Variants in FSD1L observed in about 807,000 individuals in gnomAD.
The protein encoded by FSD1L is fibronectin type III and SPRY domain containing 1 like, also known as FSD1-like protein.
A neutral mutation model predicts 71.6 loss-of-function variants in FSD1L; 45 were observed. The observed-to-expected ratio is 0.63, with a 90% CI of 0.49 to 0.81. FSD1L has a LOEUF of 0.81. Among genes scored for constraint, FSD1L ranks in the 30% least tolerant of loss-of-function variants. FSD1L has a pLI of 0.00. For missense variants in FSD1L, 561 were observed against 618.1 expected, an observed-to-expected ratio of 0.91 and a Z score of 0.98; for synonymous variants, 197 against 207.2, an observed-to-expected ratio of 0.95 and a Z score of 0.42.
chr9:105,507,313 G>A (rs1834115680), intron 8 of FSD1L, among the ~76,000 whole-genome samples: 1 of 152,140 alleles, frequency 6.6e-6, no homozygotes, highest in African/African-American at 2.4e-5. Flanking sequence ...AGTGGACTTT[G>A]GATATTTGAA....
At chr9:105,476,367 G>C (rs956855716) in intron 5 of FSD1L, among the ~76,000 whole-genome samples, 1 of 151,812 alleles carries the variant, frequency 6.6e-6, no homozygotes, top group African/African-American at 2.4e-5. Flanking sequence ...TCTTTAATCA[G>C]TCATAGAAGT....
At chr9:105,505,043 G>A (rs1833970483) in intron 7 of FSD1L, among the ~76,000 whole-genome samples, 1 of 152,094 alleles carries the variant, frequency 6.6e-6, no homozygotes, top group Admixed American at 6.5e-5. Flanking sequence ...ATTAGCTAAA[G>A]TTCATATTTT....
intron 7 of FSD1L, among the ~76,000 whole-genome samples, chr9:105,488,919 G>A (rs1012952255): frequency 1.3e-5 from 2 of 150,922 alleles, no homozygotes; most frequent in African/African-American, 2.4e-5. Flanking sequence ...AACACAAACC[G>A]TGAGGTGATG....
chr9:105,460,332 C>T (rs1830608737), intron 1 of FSD1L, among the ~76,000 whole-genome samples: 1 of 151,930 alleles, frequency 6.6e-6, no homozygotes, highest in Non-Finnish European at 1.5e-5. Flanking sequence ...GTGGCTCATC[C>T]CTGTAATCCT....
At chr9:105,545,736 G>C (rs1301794083) in intron 13 of FSD1L, among the ~76,000 whole-genome samples, 1 of 152,010 alleles carries the variant, frequency 6.6e-6, no homozygotes, top group Non-Finnish European at 1.5e-5. Context: ...TTATTGGTTT[G>C]CGTATGTTGA....
Position 105,529,164 on chromosome 9 carries a change from G to C in FSD1L, c.1026-5329G>C, listed in dbSNP as rs116294648. On this transcript the variant is annotated intron_variant, in intron 10 of 13. Coordinates refer to ENST00000481272, the MANE Select transcript of FSD1L (RefSeq NM_001145313.3). ...GGAGAAATAGGAACTGTTCTACACT[G>C]TTGGTGGGAGTGTAAATTAATTAGT... 6.4e-3 allele frequency among the ~76,000 whole-genome samples: 979 copies of C among 152,332 alleles called. 16 individuals carry two copies. The highest frequency in any genetic ancestry group is 0.023 in the African/African-American group (938 of 41,576).
chr9:105,508,673 G>GT lies in FSD1L; in HGVS notation c.854dup (p.Ala286GlyfsTer6). 2 of 1,551,436 alleles carry GT rather than the reference G, an allele frequency of 1.3e-6. No homozygotes were observed. Among genetic ancestry groups the GT allele is most frequent in the Non-Finnish European group, 1.7e-6 (2 of 1,146,538 alleles). ...CAGAGTGCGAGCTTGTAACAAGGCT[G>GT]TGGCTGGAGAGTATTCTGATCCAGT... On this transcript the variant is annotated frameshift_variant, in exon 9 of 14. Transcript: ENST00000481272. LOFTEE classifies it high-confidence loss of function.
In FSD1L at chr9:105,493,120, A is replaced by G. The variant is rs995943325; in HGVS notation, c.586+8618A>G. 9.0e-3 allele frequency among the ~76,000 whole-genome samples: 1,370 copies of G among 152,096 alleles called. 25 individuals carry two copies. The highest frequency in any genetic ancestry group is 0.032 in the African/African-American group (1,313 of 41,436). ...TGGGGTTTTAAAGTCTCCCATTATTATTGTGTGGGAGTCTAAGTCTCTTTG... is the reference window on the plus strand; with the variant it reads ...TGGGGTTTTAAAGTCTCCCATTATTGTTGTGTGGGAGTCTAAGTCTCTTTG... On this transcript the variant is annotated intron_variant, in intron 7 of 13. Coordinates refer to ENST00000481272, the MANE Select transcript of FSD1L (RefSeq NM_001145313.3).
intron 5 of FSD1L, among the ~76,000 whole-genome samples, chr9:105,478,985 G>T (rs1030221780): frequency 6.6e-6 from 1 of 152,196 alleles, no homozygotes; most frequent in African/African-American, 2.4e-5. Flanking sequence ...AACCATGAAG[G>T]AAGTTGTCCC....
intron 10 of FSD1L, chr9:105,525,158 GA>G (rs1334370700): frequency 1.9e-6 from 3 of 1,573,734 alleles, no homozygotes; most frequent in Non-Finnish European, 2.6e-6. Context: ...GTCTCACCAA[GA>G]GAAGCCAGAA....
chr9:105,471,724 T>TA lies in FSD1L; in HGVS notation c.340-180_340-179insA, dbSNP rs1831479126. On this transcript the variant is annotated intron_variant, in intron 4 of 13. Coordinates refer to ENST00000481272, the MANE Select transcript of FSD1L (RefSeq NM_001145313.3). Reference sequence around the variant, plus strand: ...ATATATATAAAAAAAATAACACGTTTTATATATATATATATATATATAACT... The same window carrying TA: ...ATATATATAAAAAAAATAACACGTTTATATATATATATATATATATATAACT... 3.5e-5 allele frequency among the ~76,000 whole-genome samples: 5 copies of TA among 143,332 alleles called. No individual in the cohort carries two copies. In the South Asian group the frequency reaches 6.5e-4, roughly 19 times the overall value. The allele number at this position is 143,332 out of a possible 152,430, so 94.0% of individuals were successfully genotyped here. A position where few individuals can be genotyped will look rare whatever the true frequency, so the allele number is the denominator to read the frequency against.
In FSD1L at chr9:105,549,962, G is replaced by A. The variant is rs1837200622; in HGVS notation, c.*3479G>A. 6.6e-6 allele frequency: 1 copy of A among 151,670 alleles called. No individual in the cohort carries two copies. The highest frequency in any genetic ancestry group is 2.4e-5 in the African/African-American group (1 of 41,368). The allele number at this position is 151,670 out of a possible 1,614,324, so 9.4% of individuals were successfully genotyped here. On this transcript the variant is annotated 3_prime_UTR_variant, in exon 14 of 14. Coordinates refer to ENST00000481272, the MANE Select transcript of FSD1L (RefSeq NM_001145313.3). ...TCTTACTGTAAAATATGTGATTCCAGGCTTAAGAAATTGATTATATTTTAA... is the reference window on the plus strand; with the variant it reads ...TCTTACTGTAAAATATGTGATTCCAAGCTTAAGAAATTGATTATATTTTAA...
intron 10 of FSD1L, among the ~76,000 whole-genome samples, chr9:105,529,915 A>C (rs1314837959): frequency 1.3e-5 from 2 of 152,170 alleles, no homozygotes; most frequent in Middle Eastern, 3.2e-3. Flanking sequence ...AAGTGGGAAA[A>C]TGTATGGTTG....
intron 1 of FSD1L, among the ~76,000 whole-genome samples, chr9:105,456,517 C>T (rs1323879893): frequency 2.0e-5 from 3 of 152,166 alleles, no homozygotes; most frequent in Non-Finnish European, 4.4e-5. Flanking sequence ...AGCTGTGCTG[C>T]GTTGAAGAGA....
chr9:105,518,496 G>T (rs999968978), intron 10 of FSD1L, among the ~76,000 whole-genome samples: 2 of 152,202 alleles, frequency 1.3e-5, no homozygotes, highest in Admixed American at 6.5e-5. Context: ...TAGAACTGAA[G>T]ATTAAGAAAC....
intron 10 of FSD1L, chr9:105,524,350 T>C: frequency 1.2e-6 from 2 of 1,613,912 alleles, no homozygotes; most frequent in Non-Finnish European, 1.7e-6. Context: ...CAGATCCTAA[T>C]AGCTACCATC....
intron 7 of FSD1L, among the ~76,000 whole-genome samples, chr9:105,492,453 C>T (rs887398269): frequency 1.3e-5 from 2 of 152,060 alleles, no homozygotes. Context: ...AAACCAGGTC[C>T]TGGATTCATT....
intron 1 of FSD1L, among the ~76,000 whole-genome samples, chr9:105,452,857 C>T (rs1377008919): frequency 6.6e-6 from 1 of 152,042 alleles, no homozygotes; most frequent in African/African-American, 2.4e-5. Flanking sequence ...AGCTCAGCCT[C>T]CTGAGCAGCT....
chr9:105,459,975 C>G (rs1830584904), intron 1 of FSD1L, among the ~76,000 whole-genome samples: 2 of 152,194 alleles, frequency 1.3e-5, no homozygotes, highest in Admixed American at 6.5e-5. Flanking sequence ...GTATTACAGA[C>G]TCTCATGCTG....
Sources: allele counts gnomAD v4.1 joint callset (sites outside exome capture counted in the v4.1 genomes callset), GRCh38; gene constraint gnomAD v4.1.1; transcripts MANE v1.5; gene names NCBI Gene and HGNC (gene_info 2026-07-23, HGNC 2026-07-21).